Variants in HOMER1 observed in about 807,000 individuals in gnomAD.
HOMER1 encodes the protein homer protein homolog 1.
A neutral mutation model predicts 48.9 loss-of-function variants in HOMER1; 3 were observed. The ratio of observed to expected loss-of-function variants is 0.06; its 90% CI spans 0.03 to 0.16. The LOEUF is 0.16. HOMER1 is among the 10% of genes least tolerant of loss of function. HOMER1 has a pLI of 1.00. For missense variants in HOMER1, 247 were observed against 411.4 expected (o/e 0.60, Z 3.46); for synonymous variants, 134 against 146.4 (o/e 0.92, Z 0.61).
chr5:79,388,269 T>G (rs752609247), intron 8 of HOMER1, among the ~76,000 whole-genome samples: 1 of 151,962 alleles, frequency 6.6e-6, no homozygotes, highest in African/African-American at 2.4e-5. Flanking sequence ...AAGGGAAAAA[T>G]AAGCAAGAAA....
At chr5:79,405,221 C>G (rs191854674) in intron 5 of HOMER1, among the ~76,000 whole-genome samples, 1 of 152,184 alleles carries the variant, frequency 6.6e-6, no homozygotes, top group Admixed American at 6.5e-5. Context: ...CACAGACACA[C>G]GAACATAAAA....
intron 1 of HOMER1, among the ~76,000 whole-genome samples, chr5:79,502,115 G>A (rs955525339): frequency 2.0e-5 from 3 of 149,650 alleles, no homozygotes; most frequent in Admixed American, 6.8e-5. Context: ...CACCTCCTGG[G>A]TTCAAGCAAT....
intron 1 of HOMER1, among the ~76,000 whole-genome samples, chr5:79,462,964 G>A (rs188074680): frequency 6.2e-4 from 94 of 152,294 alleles, no homozygotes; most frequent in South Asian, 1.7e-3. Flanking sequence ...AATGGCTACT[G>A]CAGCAAAGGA....
chr5:79,395,676 C>CTTTGACTT (rs1749365304), intron 8 of HOMER1, among the ~76,000 whole-genome samples: 1 of 152,018 alleles, frequency 6.6e-6, no homozygotes, highest in African/African-American at 2.4e-5. Context: ...GTTTAAAGCC[C>CTTTGACTT]ATGTCTTTGA....
intron 1 of HOMER1, among the ~76,000 whole-genome samples, chr5:79,477,584 C>T (rs915908509): frequency 6.6e-6 from 1 of 152,174 alleles, no homozygotes; most frequent in Non-Finnish European, 1.5e-5. Context: ...GGGAGGTTCT[C>T]GGATTATCCA....
chr5:79,438,973 C>A, intron 5 of HOMER1, 37 bp downstream of exon 5: 1 of 1,571,114 alleles, frequency 6.4e-7, no homozygotes, highest in Non-Finnish European at 8.7e-7. Context: ...CATATTTACA[C>A]ATTTACTTAA....
Position 79,421,585 on chromosome 5 carries a change from C to A in HOMER1, c.527+17425G>T, listed in dbSNP as rs529759002. Among the ~76,000 whole-genome samples, 7 of 151,870 alleles carry A rather than the reference C, an allele frequency of 4.6e-5. No homozygotes were observed. The East Asian group carries it at 1.4e-3, about 29-fold the overall frequency. On this transcript the variant is annotated intron_variant, in intron 5 of 8. Transcript: ENST00000334082. ...ATCAAGAATACTATGAGCACACACA[C>A]ACACACTAAACCCTGTTATTTTTCT...
At chr5:79,431,669 G>T (rs1257588770) in intron 5 of HOMER1, among the ~76,000 whole-genome samples, 1 of 151,996 alleles carries the variant, frequency 6.6e-6, no homozygotes. Context: ...ATAAAACAAG[G>T]TCCCCAAAAT....
chr5:79,460,521 G>A (rs867802134), intron 1 of HOMER1, among the ~76,000 whole-genome samples: 2 of 152,228 alleles, frequency 1.3e-5, no homozygotes, highest in South Asian at 2.1e-4. Flanking sequence ...CTAAAGAATC[G>A]CAAATATTAA....
intron 5 of HOMER1, among the ~76,000 whole-genome samples, chr5:79,410,309 T>G (rs1403090706): frequency 1.3e-5 from 2 of 151,790 alleles, no homozygotes; most frequent in African/African-American, 4.8e-5. Context: ...CTGACCAACA[T>G]GGAGAAACCA....
chr5:79,501,833 A>C (rs1011917051), intron 1 of HOMER1, among the ~76,000 whole-genome samples: 2 of 152,182 alleles, frequency 1.3e-5, no homozygotes, highest in Admixed American at 1.3e-4. Context: ...TAAAAAGTAC[A>C]GTTTAGTGCT....
chr5:79,395,031 G>A (rs184478256), intron 8 of HOMER1, among the ~76,000 whole-genome samples: 37 of 152,268 alleles, frequency 2.4e-4, no homozygotes, highest in Admixed American at 2.6e-4. Context: ...AAGAAGTGTG[G>A]TAATGCAGAA....
chr5:79,400,545 T>C (rs1284649979), intron 6 of HOMER1, among the ~76,000 whole-genome samples: 1 of 151,234 alleles, frequency 6.6e-6, no homozygotes, highest in African/African-American at 2.4e-5. Context: ...TTAGTGGAGA[T>C]GGGGTTTCAC....
chr5:79,481,412 T>C (rs2112342029), intron 1 of HOMER1, among the ~76,000 whole-genome samples: 1 of 152,318 alleles, frequency 6.6e-6, no homozygotes, highest in South Asian at 2.1e-4. Context: ...TATTCTTGCT[T>C]ACTGGAGAGA....
At chr5:79,501,837 T>C (rs1752601482) in intron 1 of HOMER1, among the ~76,000 whole-genome samples, 1 of 152,168 alleles carries the variant, frequency 6.6e-6, no homozygotes, top group African/African-American at 2.4e-5. Context: ...AAGTACAGTT[T>C]AGTGCTAATA....
intron 5 of HOMER1, among the ~76,000 whole-genome samples, chr5:79,429,717 G>T (rs754981030): frequency 9.9e-5 from 15 of 152,086 alleles, no homozygotes; most frequent in Non-Finnish European, 1.9e-4. Context: ...AAATGAATTA[G>T]ACTTATTTAA....
chr5:79,494,668 A>C (rs1206963238), intron 1 of HOMER1, among the ~76,000 whole-genome samples: 1 of 152,250 alleles, frequency 6.6e-6, no homozygotes, highest in Admixed American at 6.5e-5. Context: ...CAGGAGTTCG[A>C]GACCAGCCTG....
intron 8 of HOMER1, among the ~76,000 whole-genome samples, chr5:79,392,967 G>GAGAGAGAC (rs1183817053): frequency 1.3e-5 from 2 of 151,672 alleles, no homozygotes; most frequent in African/African-American, 4.8e-5. Context: ...GAGAGAGAGA[G>GAGAGAGAC]AGAGAGAGAG....
chr5:79,460,023 T>G (rs1751274084), intron 1 of HOMER1, among the ~76,000 whole-genome samples: 1 of 152,144 alleles, frequency 6.6e-6, no homozygotes, highest in Admixed American at 6.5e-5. Flanking sequence ...TTTCTTTCTT[T>G]CTTTCTTTTC....
Sources: gnomAD v4.1 joint callset for allele counts (sites outside exome capture counted in the v4.1 genomes callset) on GRCh38, gnomAD v4.1.1 for gene constraint, MANE v1.5 for transcripts, NCBI Gene and HGNC (gene_info 2026-07-23, HGNC 2026-07-21) for gene names.